MEOX1: variants seen among roughly 807,000 people sequenced by gnomAD.
The protein encoded by MEOX1 is homeobox protein MOX-1.
Under a neutral mutation model 23.2 loss-of-function variants are expected in MEOX1, and 17 were observed. The observed-to-expected ratio is 0.73, with a 90% confidence interval of 0.50 to 1.10. The LOEUF (loss-of-function observed/expected upper bound fraction) is 1.10, where lower values mean the gene tolerates loss of function less well. MEOX1 is among the 50% of genes least tolerant of loss of function. The pLI, the probability that MEOX1 is intolerant of heterozygous loss-of-function variation, is 0.00. For missense variants in MEOX1, 333 were observed against 332.2 expected (o/e 1.00, Z -0.02); for synonymous variants, 134 against 135.1 (o/e 0.99, Z 0.06).
At chr17:43,645,583 C>T (rs956461711) in intron 1 of MEOX1, among the ~76,000 whole-genome samples, 7 of 152,158 alleles carry the variant, frequency 4.6e-5, no homozygotes, top group Admixed American at 4.6e-4. Flanking sequence ...TCTGCCTTGC[C>T]GGCGAGGAGT....
chr17:43,653,626 C>T (rs535618395), intron 1 of MEOX1, among the ~76,000 whole-genome samples: 4 of 152,024 alleles, frequency 2.6e-5, no homozygotes, highest in East Asian at 1.9e-4. Context: ...TCTCCTGCCT[C>T]AGCCTCCTGA....
chr17:43,641,740 T>C lies in MEOX1; in HGVS notation c.*170A>G, dbSNP rs905649386. ...TGCTAAGAGGCTGGACAGAACTTCC[T>C]AGAAAATCCTAAGACTCCCAGGAAT... is the stretch of plus-strand genomic sequence containing the variant. On this transcript the variant is annotated 3_prime_UTR_variant, in exon 3 of 3. Transcript: ENST00000318579. 12 of 665,568 alleles carry C rather than the reference T, an allele frequency of 1.8e-5. No individual in the cohort carries two copies. The highest frequency in any genetic ancestry group is 6.8e-4 in the Middle Eastern group (2 of 2,952). 41.2% of individuals were successfully genotyped at this position (665,568 alleles called of 1,614,324 possible).
intron 2 of MEOX1, 23 bp downstream of exon 2, chr17:43,643,465 G>C (rs371698055): frequency 4.5e-6 from 7 of 1,547,214 alleles, no homozygotes; most frequent in Non-Finnish European, 6.1e-6. Context: ...GCAAAGAAGA[G>C]GAGGGGCCCA....
intron 1 of MEOX1, among the ~76,000 whole-genome samples, chr17:43,650,450 G>A (rs1972893215): frequency 6.6e-6 from 1 of 152,176 alleles, no homozygotes; most frequent in Admixed American, 6.5e-5. Context: ...GAACATATGA[G>A]CAATTAAGAT....
chr17:43,655,930 T>G (rs773400633), intron 1 of MEOX1, among the ~76,000 whole-genome samples: 2 of 152,188 alleles, frequency 1.3e-5, no homozygotes, highest in Admixed American at 6.6e-5. Flanking sequence ...AGAAATCGAT[T>G]GCACAACTAC....
At chr17:43,650,212 A>AAAGTAGAGG (rs146272197) in intron 1 of MEOX1, among the ~76,000 whole-genome samples, 23,741 of 152,046 alleles carry the variant, frequency 0.16, 2,048 homozygotes, top group East Asian at 0.22. Context: ...AGAATCATAG[A>AAAGTAGAGG]AAGTAGAGGT....
At chr17:43,661,026 A>G in intron 1 of MEOX1, 40 bp downstream of exon 1, 1 of 1,331,994 alleles carries the variant, frequency 7.5e-7, no homozygotes, top group South Asian at 1.7e-5. Context: ...CCCCAGGGTC[A>G]CACAGTAAAG....
At chr17:43,643,313 C>CA (rs1972733888) in intron 2 of MEOX1, among the ~76,000 whole-genome samples, 175 bp downstream of exon 2, 1 of 151,852 alleles carries the variant, frequency 6.6e-6, no homozygotes, top group African/African-American at 2.4e-5. Context: ...TCTCAAAAAA[C>CA]AAAAAACAAA....
intron 1 of MEOX1, among the ~76,000 whole-genome samples, chr17:43,652,497 A>G (rs1051421481): frequency 2.0e-5 from 3 of 152,178 alleles, no homozygotes; most frequent in African/African-American, 7.2e-5. Flanking sequence ...TGTGGACTCT[A>G]CATCTCTGAT....
chr17:43,641,500 C>CT lies in MEOX1; in HGVS notation c.*409dup, dbSNP rs146432564. ...AAGCATTTACTTTCCGAGTCGCCAGCTGGTTCCAAAGCTCCTCTCCCACCA... is the reference window on the plus strand; with the variant it reads ...AAGCATTTACTTTCCGAGTCGCCAGCTTGGTTCCAAAGCTCCTCTCCCACCA... On this transcript the variant is annotated 3_prime_UTR_variant, in exon 3 of 3. Coordinates refer to ENST00000318579, the MANE Select transcript of MEOX1 (RefSeq NM_004527.4). The CT allele has an allele frequency of 2.0e-3, 317 of 158,720 alleles. No individual in the cohort carries two copies. Among genetic ancestry groups the CT allele is most frequent in the African/African-American group, 7.3e-3 (305 of 41,708 alleles). The allele number at this position is 158,720 out of a possible 1,614,324, so 9.8% of individuals were successfully genotyped here. A position where few individuals can be genotyped will look rare whatever the true frequency, so the allele number is the denominator to read the frequency against.
At chr17:43,652,871 G>A (rs1475964257) in intron 1 of MEOX1, among the ~76,000 whole-genome samples, 3 of 115,268 alleles carry the variant, frequency 2.6e-5, no homozygotes, top group Admixed American at 1.4e-4. Context: ...TCACTCTGTC[G>A]CCCAGGCTGG....
At chr17:43,646,634 G>A (rs1972820396) in intron 1 of MEOX1, among the ~76,000 whole-genome samples, 2 of 152,142 alleles carry the variant, frequency 1.3e-5, no homozygotes, top group South Asian at 4.1e-4. Flanking sequence ...ACCTCCTAGG[G>A]TTATTGGAAG....
At chr17:43,655,673 A>AG (rs1973003908) in intron 1 of MEOX1, among the ~76,000 whole-genome samples, 1 of 149,684 alleles carries the variant, frequency 6.7e-6, no homozygotes, top group African/African-American at 2.4e-5. Flanking sequence ...AAAAAAAAAA[A>AG]AAAAAAAAAA....
intron 1 of MEOX1, among the ~76,000 whole-genome samples, chr17:43,651,686 T>C (rs1972919192): frequency 1.3e-5 from 2 of 152,208 alleles, no homozygotes; most frequent in African/African-American, 4.8e-5. Context: ...GCAGGGGCTG[T>C]GAGTCCTGTC....
intron 1 of MEOX1, 97 bp downstream of exon 1, chr17:43,660,969 A>T: frequency 1.3e-6 from 1 of 754,088 alleles, no homozygotes. Context: ...TGGACTAGAC[A>T]GAAATTCATG....
chr17:43,661,384 A>G lies in MEOX1; in HGVS notation c.151T>C (p.Phe51Leu). 1 of 1,401,336 alleles carries G rather than the reference A, an allele frequency of 7.1e-7. No homozygotes were observed. The highest frequency in any genetic ancestry group is 9.6e-7 in the Non-Finnish European group (1 of 1,041,042). 86.8% of individuals were successfully genotyped at this position (1,401,336 alleles called of 1,614,324 possible). Residue 51 changes from phenylalanine to leucine, a missense_variant, in exon 1 of 3, where the codon TTC (phenylalanine) becomes CTC (leucine). Physicochemically the swap from Phe to Leu is conservative, Grantham distance 22. Coordinates refer to ENST00000318579, the MANE Select transcript of MEOX1 (RefSeq NM_004527.4). ...TPFSFHQKPD[F>L]LATATAAYPD... is the part of the protein sequence containing the mutation. ...TACGCTGCCGTCGCTGTCGCCAGGA[A>G]GTCTGGTTTCTGGTGGAAGGAGAAC...
intron 1 of MEOX1, among the ~76,000 whole-genome samples, chr17:43,649,956 G>A (rs1335601838): frequency 6.6e-6 from 1 of 152,168 alleles, no homozygotes; most frequent in Admixed American, 6.5e-5. Context: ...GCCACATTTG[G>A]CAGGCCTTCG....
At chr17:43,657,129 C>CCTTCCTTT in intron 1 of MEOX1, among the ~76,000 whole-genome samples, 1 of 143,570 alleles carries the variant, frequency 7.0e-6, no homozygotes, top group East Asian at 2.0e-4. Flanking sequence ...CTCCTTCCTT[C>CCTTCCTTT]CTTCCTTTCT....
At chr17:43,657,481 C>T (rs554430965) in intron 1 of MEOX1, among the ~76,000 whole-genome samples, 2 of 152,184 alleles carry the variant, frequency 1.3e-5, no homozygotes, top group African/African-American at 4.8e-5. Context: ...GCCACCGCGC[C>T]CGGCCAACCC....
Sources: allele counts gnomAD v4.1 joint callset (sites outside exome capture counted in the v4.1 genomes callset), GRCh38; gene constraint gnomAD v4.1.1; transcripts MANE v1.5; gene names NCBI Gene and HGNC (gene_info 2026-07-23, HGNC 2026-07-21).